LRRC1: variants seen among roughly 807,000 people sequenced by gnomAD.
LRRC1 encodes the protein leucine rich repeat containing 1.
A neutral mutation model predicts 69.9 loss-of-function variants in LRRC1; 28 were observed. The observed-to-expected ratio is 0.40, with a 90% CI of 0.30 to 0.55. The LOEUF (loss-of-function observed/expected upper bound fraction) is 0.55, where lower values mean the gene tolerates loss of function less well. Ranked by LOEUF, LRRC1 falls within the 20% of genes least tolerant of loss-of-function variation. The probability of loss-of-function intolerance (pLI) is 0.47; values close to 1 mark genes in which losing one functional copy is unlikely to be tolerated. For synonymous variants in LRRC1, 236 were observed against 240.2 expected (o/e 0.98, Z 0.16); for missense variants, 498 against 609.0 (o/e 0.82, Z 1.92).
At chr6:53,828,169 C>CAAAAA (rs35639473) in intron 1 of LRRC1, among the ~76,000 whole-genome samples, 2 of 135,242 alleles carry the variant, frequency 1.5e-5, no homozygotes, top group South Asian at 2.4e-4. Flanking sequence ...GTTCAAAGGC[C>CAAAAA]AAAAAAAAAA....
At chr6:53,839,632 CTT>C (rs1490642423) in intron 1 of LRRC1, among the ~76,000 whole-genome samples, 1 of 151,774 alleles carries the variant, frequency 6.6e-6, no homozygotes, top group East Asian at 1.9e-4. Flanking sequence ...TTATGGATTT[CTT>C]TTTGTGGAAG....
In LRRC1 at chr6:53,902,480, A is replaced by G. The variant is rs1768091451; in HGVS notation, c.788-149A>G. Reference sequence around the variant, plus strand: ...CTCCCAACCTTCAGTGATCTAAATGATAGAGTTTCATAATGTGAAAAGCTA... The same window carrying G: ...CTCCCAACCTTCAGTGATCTAAATGGTAGAGTTTCATAATGTGAAAAGCTA... On this transcript the variant is annotated intron_variant, in intron 8 of 13. Transcript: ENST00000370888. The G allele has an allele frequency of 6.5e-6, 3 of 461,418 alleles. No individual in the cohort carries two copies. In the East Asian group the frequency reaches 9.7e-5, roughly 15 times the overall value. 28.6% of individuals were successfully genotyped at this position (461,418 alleles called of 1,614,324 possible). A position where few individuals can be genotyped will look rare whatever the true frequency, so the allele number is the denominator to read the frequency against.
intron 4 of LRRC1, among the ~76,000 whole-genome samples, chr6:53,892,840 T>C (rs1767747829): frequency 6.6e-6 from 1 of 152,226 alleles, no homozygotes; most frequent in African/African-American, 2.4e-5. Context: ...ACCAAACCCA[T>C]AGTTTCATTC....
rs188141063 is a variant in LRRC1, at chr6:53,800,865, C to T, written c.159+5450C>T. ...ATGTTGGCCAGGCTGGTCTCAAATTCGTGACCTCAAGTGATCTGCCCGCCT... is the reference window on the plus strand; with the variant it reads ...ATGTTGGCCAGGCTGGTCTCAAATTTGTGACCTCAAGTGATCTGCCCGCCT... On this transcript the variant is annotated intron_variant, in intron 1 of 13. Transcript: ENST00000370888. Among the ~76,000 whole-genome samples, 6 of 152,284 alleles carry T rather than the reference C, an allele frequency of 3.9e-5. No individual in the cohort carries two copies. In the East Asian group the frequency reaches 7.7e-4, roughly 20 times the overall value.
chr6:53,864,795 C>G lies in LRRC1; in HGVS notation c.278-14198C>G, dbSNP rs138285784. On this transcript the variant is annotated intron_variant, in intron 2 of 13. Transcript: ENST00000370888. ...CCTTTGCACTTTTCCTGATCTGAGC[C>G]TGTCCTCTGCTGTTTCTCCCAGTGC... is the stretch of plus-strand genomic sequence containing the variant. Among the ~76,000 whole-genome samples the G allele has an allele frequency of 1.2e-3, 190 of 152,204 alleles. 3 individuals are homozygous for G. Among genetic ancestry groups the G allele is most frequent in the African/African-American group, 4.5e-3 (185 of 41,478 alleles).
rs189876005 is a variant in LRRC1, at chr6:53,832,831, C to A, written c.160-9279C>A. On this transcript the variant is annotated intron_variant, in intron 1 of 13. Transcript: ENST00000370888. ...TTACCTTTTTAAAACAGTTTTTCTCCCTAAAATTTCTATTACATTTTTTAA... is the reference window on the plus strand; with the variant it reads ...TTACCTTTTTAAAACAGTTTTTCTCACTAAAATTTCTATTACATTTTTTAA... Among the ~76,000 whole-genome samples, 29 of 152,092 alleles carry A rather than the reference C, an allele frequency of 1.9e-4. No homozygotes were observed. In the East Asian group the frequency reaches 5.2e-3, roughly 27 times the overall value.
intron 2 of LRRC1, among the ~76,000 whole-genome samples, chr6:53,847,229 A>G (rs992145127): frequency 3.9e-5 from 6 of 152,206 alleles, no homozygotes; most frequent in Non-Finnish European, 7.4e-5. Flanking sequence ...TCGTGGTGAT[A>G]ATAGCTTTGA....
intron 2 of LRRC1, among the ~76,000 whole-genome samples, 168 bp downstream of exon 2, chr6:53,842,395 T>C (rs1271675034): frequency 1.3e-5 from 2 of 152,318 alleles, no homozygotes; most frequent in East Asian, 1.9e-4. Flanking sequence ...TATAGCTAGA[T>C]AAATATTACT....
chr6:53,850,639 CT>C (rs1452646982), intron 2 of LRRC1, among the ~76,000 whole-genome samples: 1 of 152,188 alleles, frequency 6.6e-6, no homozygotes, highest in Non-Finnish European at 1.5e-5. Context: ...AAAGGGTTTG[CT>C]TTGCTAGGTG....
chr6:53,896,372 C>G (rs1192257597), intron 4 of LRRC1, 126 bp from the exon 5 acceptor site: 9 of 732,710 alleles, frequency 1.2e-5, no homozygotes, highest in Non-Finnish European at 2.1e-5. Context: ...GTATTTTTAC[C>G]CTGGTAAGTG....
intron 10 of LRRC1, among the ~76,000 whole-genome samples, chr6:53,907,347 TA>T (rs1250225142): frequency 1.3e-5 from 2 of 151,928 alleles, no homozygotes; most frequent in Admixed American, 6.6e-5. Context: ...TTTTTTCCTT[TA>T]AAAAAAACAA....
intron 2 of LRRC1, among the ~76,000 whole-genome samples, chr6:53,857,997 G>A (rs1028088413): frequency 2.6e-5 from 4 of 152,172 alleles, no homozygotes; most frequent in Non-Finnish European, 5.9e-5. Flanking sequence ...TTTGATCAGC[G>A]TCTGGCATGG....
chr6:53,877,743 C>A (rs1767121685), intron 2 of LRRC1, among the ~76,000 whole-genome samples: 1 of 152,166 alleles, frequency 6.6e-6, no homozygotes. Flanking sequence ...ACTTTATTAT[C>A]CATATTGCTA....
At chr6:53,908,916 T>C (rs921829503) in intron 10 of LRRC1, among the ~76,000 whole-genome samples, 2 of 152,178 alleles carry the variant, frequency 1.3e-5, no homozygotes, top group Non-Finnish European at 2.9e-5. Context: ...CAAAAAAATT[T>C]AATAATGCCA....
At chr6:53,902,206 A>G (rs978810978) in intron 8 of LRRC1, among the ~76,000 whole-genome samples, 11 of 152,144 alleles carry the variant, frequency 7.2e-5, no homozygotes, top group African/African-American at 2.4e-4. Context: ...GAAATACCGC[A>G]CTGTAGGGAT....
At chr6:53,826,454 T>C (rs1765260344) in intron 1 of LRRC1, among the ~76,000 whole-genome samples, 1 of 152,186 alleles carries the variant, frequency 6.6e-6, no homozygotes, top group Non-Finnish European at 1.5e-5. Context: ...AGATAACCTA[T>C]TAAAAGCTTG....
At chr6:53,852,422 G>A (rs559756025) in intron 2 of LRRC1, among the ~76,000 whole-genome samples, 5 of 152,218 alleles carry the variant, frequency 3.3e-5, no homozygotes, top group East Asian at 1.9e-4. Context: ...GTGAGGTTTC[G>A]GCTCAAGACA....
At chr6:53,796,264 A>G (rs184322266) in intron 1 of LRRC1, among the ~76,000 whole-genome samples, 1 of 152,354 alleles carries the variant, frequency 6.6e-6, no homozygotes, top group Non-Finnish European at 1.5e-5. Context: ...GAACTTGTCA[A>G]GCGACATGTG....
chr6:53,824,888 T>A (rs1765214606), intron 1 of LRRC1, among the ~76,000 whole-genome samples: 1 of 152,218 alleles, frequency 6.6e-6, no homozygotes, highest in South Asian at 2.1e-4. Context: ...CATGCTTGAA[T>A]GGGGAATTCA....
Sources: allele counts gnomAD v4.1 joint callset (sites outside exome capture counted in the v4.1 genomes callset), GRCh38; gene constraint gnomAD v4.1.1; transcripts MANE v1.5; gene names NCBI Gene and HGNC (gene_info 2026-07-23, HGNC 2026-07-21).